PLAUR: variants seen among roughly 807,000 people sequenced by gnomAD.
The protein encoded by PLAUR is plasminogen activator, urokinase receptor.
In PLAUR, 22 loss-of-function variants were observed where a neutral mutation model predicts 33.4. The observed-to-expected ratio is 0.66, with a 90% confidence interval of 0.47 to 0.94. The LOEUF (loss-of-function observed/expected upper bound fraction) is 0.94. Ranked by LOEUF, PLAUR falls within the 40% of genes least tolerant of loss-of-function variation. PLAUR has a pLI of 0.00. For missense variants in PLAUR, 408 were observed against 434.7 expected, an observed-to-expected ratio of 0.94 and a Z score of 0.55; for synonymous variants, 148 against 167.3, an observed-to-expected ratio of 0.88 and a Z score of 0.89.
At chr19:43,659,644 A>G (rs1403230764) in intron 3 of PLAUR, among the ~76,000 whole-genome samples, 1 of 152,138 alleles carries the variant, frequency 6.6e-6, no homozygotes, top group Non-Finnish European at 1.5e-5. Context: ...CCTGTCCTAA[A>G]CAAAACTCCC....
At chr19:43,647,114 A>T (rs952882884), downstream of PLAUR, among the ~76,000 whole-genome samples, 4 of 152,074 alleles carry the variant, frequency 2.6e-5, no homozygotes, top group Non-Finnish European at 4.4e-5. Context: ...TAGCCACAAG[A>T]TTTGATGGGG....
intron 2 of PLAUR, 47 bp downstream of exon 2, chr19:43,667,534 C>G: frequency 1.5e-6 from 2 of 1,320,518 alleles, no homozygotes; most frequent in African/African-American, 2.9e-5. Flanking sequence ...CAATCACTCG[C>G]GTTCCATGCT....
chr19:43,650,263 C>T (rs954368742), intron 6 of PLAUR, among the ~76,000 whole-genome samples: 1 of 151,388 alleles, frequency 6.6e-6, no homozygotes, highest in Admixed American at 6.6e-5. Flanking sequence ...CCCGCCTTGG[C>T]CTCCCAAAGT....
At chr19:43,665,824 C>T (rs376049733) in intron 2 of PLAUR, among the ~76,000 whole-genome samples, 1 of 148,140 alleles carries the variant, frequency 6.8e-6, no homozygotes, top group African/African-American at 2.5e-5. Flanking sequence ...TCACCACACC[C>T]TGCTAATTTT....
chr19:43,654,257 C>A (rs564532263), intron 5 of PLAUR, among the ~76,000 whole-genome samples: 1 of 151,152 alleles, frequency 6.6e-6, no homozygotes, highest in South Asian at 2.1e-4. Flanking sequence ...GCCACTGCAC[C>A]CCAGCCTGGG....
chr19:43,663,611 A>G (rs1967100136), intron 3 of PLAUR, among the ~76,000 whole-genome samples: 1 of 151,976 alleles, frequency 6.6e-6, no homozygotes, highest in African/African-American at 2.4e-5. Flanking sequence ...GAGAAACCTC[A>G]TCTCTACTAA....
chr19:43,665,057 G>A lies in PLAUR; in HGVS notation c.310+259C>T, dbSNP rs1032058046. 6.2e-5 allele frequency: 32 copies of A among 512,356 alleles called. No homozygotes were observed. In the East Asian group the frequency reaches 9.7e-4, roughly 16 times the overall value. 31.7% of individuals were successfully genotyped at this position (512,356 alleles called of 1,614,324 possible). A position where few individuals can be genotyped will look rare whatever the true frequency, so the allele number is the denominator to read the frequency against. ...TGGAACTGTGCTTGGAACAGGGCTG[G>A]GTTTGAGTTGGGAACAGTGTTAGGG... On this transcript the variant is annotated intron_variant, in intron 3 of 6. Transcript: ENST00000340093.
At position 43,659,141 on chromosome 19, in the gene PLAUR, G is replaced by A. The variant is rs543369748; in HGVS notation, c.311-2501C>T. 3.1e-4 allele frequency among the ~76,000 whole-genome samples: 44 copies of A among 143,882 alleles called. No individual in the cohort carries two copies. The South Asian group carries it at 9.3e-3, about 30-fold the overall frequency. The allele number at this position is 143,882 out of a possible 152,430, so 94.4% of individuals were successfully genotyped here. A position where few individuals can be genotyped will look rare whatever the true frequency, so the allele number is the denominator to read the frequency against. ...TCTTGTAAATGCCAATGATCCTTAGGGCTATTTTCCTTTTTCTTTTCTTTT... is the reference window on the plus strand; with the variant it reads ...TCTTGTAAATGCCAATGATCCTTAGAGCTATTTTCCTTTTTCTTTTCTTTT... On this transcript the variant is annotated intron_variant, in intron 3 of 6. Coordinates refer to ENST00000340093, the MANE Select transcript of PLAUR (RefSeq NM_002659.4).
At chr19:43,667,897 T>C in intron 1 of PLAUR, 3 of 1,409,022 alleles carry the variant, frequency 2.1e-6, no homozygotes, top group East Asian at 2.6e-5. Flanking sequence ...CTGAACGTTC[T>C]ATCCCTGCCC....
rs767763381 is a variant in PLAUR, at chr19:43,652,263, C to G, written c.716G>C (p.Gly239Ala). The G allele has an allele frequency of 6.8e-6, 11 of 1,614,016 alleles. No individual in the cohort carries two copies. The African/African-American group carries it at 9.3e-5, about 14-fold the overall frequency. The change falls in exon 6 of 7, where the codon GGC becomes GCC. Residue 239 changes from glycine to alanine, a missense_variant. Transcript: ENST00000340093. Reference protein sequence around the residue: ...SEETFLIDCRGPMNQCLVATG... With the variant: ...SEETFLIDCRAPMNQCLVATG... ...GGCTACCAGACATTGATTCATGGGGCCTCGGCAGTCAATGAGGAAAGTCTC... is the reference window on the plus strand; with the variant it reads ...GGCTACCAGACATTGATTCATGGGGGCTCGGCAGTCAATGAGGAAAGTCTC...
At chr19:43,668,941 C>G (rs550533388) in intron 1 of PLAUR, among the ~76,000 whole-genome samples, 3 of 152,216 alleles carry the variant, frequency 2.0e-5, no homozygotes, top group African/African-American at 7.2e-5. Context: ...CTCCCCGCCC[C>G]AGGCTCCGCC....
intron 3 of PLAUR, chr19:43,661,257 C>G (rs891332726): frequency 6.6e-6 from 1 of 152,188 alleles, no homozygotes; most frequent in Non-Finnish European, 1.5e-5. Context: ...ACTCTCTTTC[C>G]GTCTGGGCTC....
chr19:43,657,701 C>T (rs937148943), intron 3 of PLAUR, among the ~76,000 whole-genome samples: 4 of 152,236 alleles, frequency 2.6e-5, no homozygotes, highest in Non-Finnish European at 5.9e-5. Context: ...TGTGAGCCCC[C>T]AGGAGGGCAG....
chr19:43,651,716 G>C, intron 6 of PLAUR: 1 of 774,422 alleles, frequency 1.3e-6, no homozygotes, highest in Non-Finnish European at 1.6e-6. Context: ...AATTACAGGC[G>C]TGAGCCACCA....
intron 3 of PLAUR, among the ~76,000 whole-genome samples, chr19:43,664,584 A>C (rs574109741): frequency 2.0e-5 from 3 of 152,238 alleles, no homozygotes; most frequent in Non-Finnish European, 4.4e-5. Context: ...TGCTTGGATT[A>C]CAGGCATGAG....
chr19:43,665,514 C>G (rs983863102), intron 2 of PLAUR, 55 bp from the exon 3 acceptor site: 1 of 1,585,916 alleles, frequency 6.3e-7, no homozygotes, highest in African/African-American at 1.4e-5. Flanking sequence ...CAACCAGCCT[C>G]TGACACTCCT....
At chr19:43,668,218 T>C in intron 1 of PLAUR, 1 of 987,232 alleles carries the variant, frequency 1.0e-6, no homozygotes, top group South Asian at 4.5e-5. Flanking sequence ...GCCCACTAAT[T>C]TATTCCCAAA....
chr19:43,667,676 C>T lies in PLAUR; in HGVS notation c.71G>A (p.Arg24Gln). 2 of 1,613,852 alleles carry T rather than the reference C, an allele frequency of 1.2e-6. No individual in the cohort carries two copies. The highest frequency in any genetic ancestry group is 1.6e-4 in the Middle Eastern group (1 of 6,062). The stretch of plus-strand genomic sequence containing the variant: ...CCCGTTGGTCTTACACTGCATGCAC[C>T]GCAGGCCCCAAGAGGCTGGGGGAAG... ...HTCVPASWGL[R>Q]CMQCKTNGDC... The change falls in exon 2 of 7, where the codon CGG becomes CAG. Residue 24 changes from arginine (R) to glutamine (Q), a missense_variant. Arg to Gln is a conservative substitution (Grantham distance 43, BLOSUM62 1). Transcript: ENST00000340093.
intron 3 of PLAUR, among the ~76,000 whole-genome samples, chr19:43,660,172 T>C (rs112296785): frequency 2.0e-5 from 3 of 147,192 alleles, no homozygotes; most frequent in African/African-American, 8.1e-5. Context: ...TTGTTTTGTT[T>C]TGTTTTGTTT....
Sources: gnomAD v4.1 joint callset for allele counts (sites outside exome capture counted in the v4.1 genomes callset) on GRCh38, gnomAD v4.1.1 for gene constraint, MANE v1.5 for transcripts, NCBI Gene and HGNC (gene_info 2026-07-23, HGNC 2026-07-21) for gene names.